The following ANKRD6 variants were observed in gnomAD, a reference collection of about 807,000 sequenced individuals.
The protein encoded by ANKRD6 is ankyrin repeat domain-containing protein 6.
A neutral mutation model predicts 82.3 loss-of-function variants in ANKRD6; 56 were observed. That is an observed-to-expected ratio of 0.68 (90% confidence interval 0.55 to 0.85). ANKRD6 has a LOEUF of 0.85. Ranked by LOEUF, ANKRD6 falls within the 40% of genes least tolerant of loss-of-function variation. ANKRD6 has a pLI of 0.00. For missense variants in ANKRD6, 852 were observed against 907.6 expected, an observed-to-expected ratio of 0.94 and a Z score of 0.79; for synonymous variants, 347 against 352.1, an observed-to-expected ratio of 0.99 and a Z score of 0.16.
intron 1 of ANKRD6, among the ~76,000 whole-genome samples, chr6:89,530,648 C>T (rs1783033393): frequency 6.6e-6 from 1 of 152,194 alleles, no homozygotes. Context: ...GCTGGCCACT[C>T]ACAGTGCTTT....
chr6:89,455,746 A>T (rs973507060), intron 1 of ANKRD6, among the ~76,000 whole-genome samples: 1 of 152,136 alleles, frequency 6.6e-6, no homozygotes, highest in Non-Finnish European at 1.5e-5. Context: ...ACCTTCTGCT[A>T]TAATTGTAAG....
At chr6:89,572,245 GT>G (rs1202679297) in intron 2 of ANKRD6, among the ~76,000 whole-genome samples, 2 of 152,194 alleles carry the variant, frequency 1.3e-5, no homozygotes, top group Non-Finnish European at 2.9e-5. Context: ...TTTATGTGCA[GT>G]TTTTTGTGTG....
chr6:89,631,234 T>C lies in ANKRD6; in HGVS notation c.*230T>C. The C allele has an allele frequency of 5.6e-6, 4 of 710,966 alleles. No individual in the cohort carries two copies. Among genetic ancestry groups the C allele is most frequent in the Non-Finnish European group, 8.0e-6 (4 of 497,350 alleles). The allele number at this position is 710,966 out of a possible 1,614,324, so 44.0% of individuals were successfully genotyped here. The stretch of plus-strand genomic sequence containing the variant: ...GCTTGCTTAGTTTTGGGTTTCATTA[T>C]AAACTCTTAGCCTCAGTCCAGGTTA... On this transcript the variant is annotated 3_prime_UTR_variant, in exon 16 of 16. Transcript: ENST00000339746.
chr6:89,463,274 A>T (rs1039634357), intron 1 of ANKRD6, among the ~76,000 whole-genome samples: 5 of 152,070 alleles, frequency 3.3e-5, no homozygotes, highest in Non-Finnish European at 5.9e-5. Flanking sequence ...TAATTTTTTT[A>T]AAACAATTTT....
intron 8 of ANKRD6, among the ~76,000 whole-genome samples, chr6:89,617,230 G>A (rs768663985): frequency 9.2e-5 from 14 of 152,242 alleles, no homozygotes; most frequent in South Asian, 2.1e-4. Context: ...CTGTGTGGAG[G>A]TTTTTTTGAG....
intron 3 of ANKRD6, among the ~76,000 whole-genome samples, chr6:89,597,242 T>C (rs1219428366): frequency 6.6e-6 from 1 of 152,250 alleles, no homozygotes; most frequent in Non-Finnish European, 1.5e-5. Flanking sequence ...TTTAAGCCAT[T>C]GATTTCTACC....
chr6:89,578,265 G>A (rs899162751), intron 2 of ANKRD6, among the ~76,000 whole-genome samples: 2 of 148,202 alleles, frequency 1.3e-5, no homozygotes, highest in African/African-American at 5.0e-5. Flanking sequence ...AAGACGATTA[G>A]CTTTTTCCCC....
At chr6:89,613,023 C>A (rs1004463120) in intron 6 of ANKRD6, among the ~76,000 whole-genome samples, 1 of 152,160 alleles carries the variant, frequency 6.6e-6, no homozygotes, top group Non-Finnish European at 1.5e-5. Context: ...AGCTTGGTTC[C>A]GTCTTAATGC....
chr6:89,488,530 A>C (rs12660909), intron 1 of ANKRD6, among the ~76,000 whole-genome samples: 7,903 of 152,292 alleles, frequency 0.052, 346 homozygotes, highest in East Asian at 0.22. Flanking sequence ...AGTTTGTTAG[A>C]TTCTCATTAA....
At chr6:89,627,354 C>G (rs972537543) in intron 13 of ANKRD6, among the ~76,000 whole-genome samples, 1 of 152,200 alleles carries the variant, frequency 6.6e-6, no homozygotes, top group Non-Finnish European at 1.5e-5. Flanking sequence ...ACCTCTTAAA[C>G]TTTAACAAAT....
chr6:89,623,857 C>T lies in ANKRD6; in HGVS notation c.1033-15C>T, dbSNP rs376820065. ...GTCAAAGCGTTCAGGGGTGTTGTCT[C>T]TTCCTCTCTTACAGGTGTCAGCATT... On this transcript the variant is annotated splice_polypyrimidine_tract_variant and intron_variant, in intron 11 of 15. Transcript: ENST00000339746. 6.0e-5 allele frequency: 96 copies of T among 1,607,888 alleles called. No individual in the cohort carries two copies. In the Admixed American group the frequency reaches 8.5e-4, roughly 14 times the overall value.
chr6:89,527,483 A>G (rs2127982984), intron 1 of ANKRD6, among the ~76,000 whole-genome samples: 1 of 151,546 alleles, frequency 6.6e-6, no homozygotes, highest in East Asian at 2.0e-4. Context: ...AATCCCAGCT[A>G]CTTGGGAGGC....
At chr6:89,522,998 G>A (rs949245597) in intron 1 of ANKRD6, among the ~76,000 whole-genome samples, 1 of 152,120 alleles carries the variant, frequency 6.6e-6, no homozygotes, top group Admixed American at 6.5e-5. Context: ...CCTAGGTGTT[G>A]ATGCAGAGAT....
intron 2 of ANKRD6, among the ~76,000 whole-genome samples, chr6:89,590,239 A>T (rs1794609555): frequency 6.6e-6 from 1 of 152,204 alleles, no homozygotes; most frequent in Non-Finnish European, 1.5e-5. Flanking sequence ...CAAGAATGTA[A>T]AAGAGATATG....
chr6:89,522,509 G>A (rs978794130), intron 1 of ANKRD6, among the ~76,000 whole-genome samples: 1 of 152,204 alleles, frequency 6.6e-6, no homozygotes, highest in Non-Finnish European at 1.5e-5. Flanking sequence ...TCTTGAAACA[G>A]TGTGATGACC....
In ANKRD6 at chr6:89,616,544, T is replaced by C. The variant is rs377157379; in HGVS notation, c.616-15T>C. 1.9e-6 allele frequency: 3 copies of C among 1,613,348 alleles called. No homozygotes were observed. Among genetic ancestry groups the C allele is most frequent in the Middle Eastern group, 1.6e-4 (1 of 6,082 alleles). ...TGAGCAGATGAGGTTTAGCAGACCT[T>C]CTAATCAATTCCAGGCTGGAGACAC... is the stretch of plus-strand genomic sequence containing the variant. On this transcript the variant is annotated splice_polypyrimidine_tract_variant and intron_variant, in intron 7 of 15. Transcript: ENST00000339746.
chr6:89,607,855 C>A (rs1339109148), intron 5 of ANKRD6, among the ~76,000 whole-genome samples: 1 of 144,286 alleles, frequency 6.9e-6, no homozygotes, highest in Non-Finnish European at 1.5e-5. Context: ...ACCATGTTGG[C>A]CAGGCTGGTC....
At chr6:89,477,427 A>C (rs919653216) in intron 1 of ANKRD6, among the ~76,000 whole-genome samples, 1 of 151,946 alleles carries the variant, frequency 6.6e-6, no homozygotes, top group Admixed American at 6.6e-5. Context: ...TTGTTTCTTA[A>C]TTAGGGGGTG....
intron 1 of ANKRD6, among the ~76,000 whole-genome samples, chr6:89,467,221 TA>T (rs1169110231): frequency 5.9e-5 from 9 of 152,132 alleles, no homozygotes; most frequent in African/African-American, 1.9e-4. Flanking sequence ...TTTGTTAAAT[TA>T]AGGTTGGTCA....
Sources: allele counts gnomAD v4.1 joint callset (sites outside exome capture counted in the v4.1 genomes callset), GRCh38; gene constraint gnomAD v4.1.1; transcripts MANE v1.5; gene names NCBI Gene and HGNC (gene_info 2026-07-23, HGNC 2026-07-21).